FSTL5: variants seen among roughly 807,000 people sequenced by gnomAD.
FSTL5 encodes the protein follistatin-related protein 5.
FSTL5 carries 62 observed loss-of-function variants against 89.1 expected under a neutral mutation model. The ratio of observed to expected loss-of-function variants is 0.70; its 90% CI spans 0.57 to 0.86. FSTL5 has a LOEUF of 0.86. FSTL5 is among the 40% of genes least tolerant of loss of function. FSTL5 has a pLI of 0.00. For missense variants in FSTL5, 1,057 were observed against 1,001.6 expected (o/e 1.06, Z -0.75); for synonymous variants, 383 against 346.2 (o/e 1.11, Z -1.18).
rs537023665 is a variant in FSTL5, at chr4:161,487,620, A to T, written c.1459-6451T>A. ...AAAACAGAATGAGCAAAAATCAGTG[A>T]TTTTTTTTTCTCCCACAGAGTTTAG... On this transcript the variant is annotated intron_variant, in intron 12 of 15. Coordinates refer to ENST00000306100, the MANE Select transcript of FSTL5 (RefSeq NM_020116.5). Among the ~76,000 whole-genome samples the T allele has an allele frequency of 2.3e-3, 346 of 151,506 alleles. 1 individual carries two copies. The highest frequency in any genetic ancestry group is 3.7e-3 in the Admixed American group (56 of 15,198).
chr4:161,460,382 T>TC lies in FSTL5; in HGVS notation c.1609-1064dup, dbSNP rs1553988471. Among the ~76,000 whole-genome samples the TC allele has an allele frequency of 5.1e-5, 3 of 59,338 alleles. 1 individual carries two copies. Among genetic ancestry groups the TC allele is most frequent in the African/African-American group, 1.5e-4 (3 of 19,686 alleles). The allele number at this position is 59,338 out of a possible 152,430, so 38.9% of individuals were successfully genotyped here. ...TAGGTGTATCTCCTAATGCTATCCCTCCCCCCTCCCCCCACCTCACAACAG... is the reference window on the plus strand; with the variant it reads ...TAGGTGTATCTCCTAATGCTATCCCTCCCCCCCTCCCCCCACCTCACAACAG... On this transcript the variant is annotated intron_variant, in intron 13 of 15. Coordinates refer to ENST00000306100, the MANE Select transcript of FSTL5 (RefSeq NM_020116.5).
chr4:161,609,358 C>T (rs1015427100), intron 7 of FSTL5, among the ~76,000 whole-genome samples: 1 of 151,984 alleles, frequency 6.6e-6, no homozygotes, highest in Non-Finnish European at 1.5e-5. Flanking sequence ...TAAGTTTTGC[C>T]ATTTAGATTT....
intron 4 of FSTL5, among the ~76,000 whole-genome samples, chr4:161,824,045 G>T (rs1010720046): frequency 6.6e-6 from 1 of 152,182 alleles, no homozygotes; most frequent in Non-Finnish European, 1.5e-5. Context: ...TCTTTGTTTT[G>T]TTGCATTAGC....
intron 6 of FSTL5, among the ~76,000 whole-genome samples, chr4:161,695,842 A>G (rs1177904628): frequency 1.3e-5 from 2 of 151,778 alleles, no homozygotes; most frequent in South Asian, 2.1e-4. Context: ...TGAGTTCCTT[A>G]TAGATTCTGA....
At chr4:161,913,245 G>A (rs986916875) in intron 4 of FSTL5, among the ~76,000 whole-genome samples, 10 of 152,118 alleles carry the variant, frequency 6.6e-5, no homozygotes, top group African/African-American at 2.4e-4. Flanking sequence ...TGGGGAAAAT[G>A]TCTCCAGGCC....
At chr4:161,458,078 G>A (rs949960964) in intron 14 of FSTL5, among the ~76,000 whole-genome samples, 3 of 152,066 alleles carry the variant, frequency 2.0e-5, no homozygotes, top group East Asian at 1.9e-4. Context: ...GGGACACAAG[G>A]CACCCAGCTG....
chr4:161,800,079 C>A (rs1437039334), intron 4 of FSTL5, among the ~76,000 whole-genome samples: 1 of 151,572 alleles, frequency 6.6e-6, no homozygotes, highest in Non-Finnish European at 1.5e-5. Flanking sequence ...TATACATTTT[C>A]TTTTTAACAC....
At chr4:161,873,208 C>A (rs534086875) in intron 4 of FSTL5, among the ~76,000 whole-genome samples, 1 of 152,020 alleles carries the variant, frequency 6.6e-6, no homozygotes. Context: ...TCAGGTGGGG[C>A]CCTAGACCCT....
At chr4:162,059,097 C>A (rs747403210) in intron 2 of FSTL5, among the ~76,000 whole-genome samples, 4 of 152,092 alleles carry the variant, frequency 2.6e-5, no homozygotes, top group Non-Finnish European at 4.4e-5. Context: ...ACTTAAAGGG[C>A]CATAGGCATA....
At chr4:161,732,697 G>GTT (rs946352038) in intron 6 of FSTL5, among the ~76,000 whole-genome samples, 1 of 151,838 alleles carries the variant, frequency 6.6e-6, no homozygotes, top group African/African-American at 2.4e-5. Flanking sequence ...ATTAAAGTGT[G>GTT]TTTGTTTATT....
intron 3 of FSTL5, among the ~76,000 whole-genome samples, chr4:162,020,252 A>G (rs1737033554): frequency 1.3e-5 from 2 of 152,136 alleles, no homozygotes; most frequent in East Asian, 3.9e-4. Context: ...TATGCTATGG[A>G]CAAAATTTAA....
At chr4:162,136,789 A>T (rs1199189429) in intron 1 of FSTL5, among the ~76,000 whole-genome samples, 1 of 152,084 alleles carries the variant, frequency 6.6e-6, no homozygotes, top group Non-Finnish European at 1.5e-5. Context: ...AGATGGTTAA[A>T]TAAGGTTTGG....
At chr4:161,879,683 T>C (rs1468698644) in intron 4 of FSTL5, among the ~76,000 whole-genome samples, 1 of 152,172 alleles carries the variant, frequency 6.6e-6, no homozygotes, top group Non-Finnish European at 1.5e-5. Flanking sequence ...TCTTGAACTT[T>C]ATTTTCCTGT....
Position 161,587,575 on chromosome 4 carries a change from C to A in FSTL5, c.895G>T (p.Asp299Tyr). The A allele has an allele frequency of 6.3e-7, 1 of 1,584,482 alleles. No individual in the cohort carries two copies. Among genetic ancestry groups the A allele is most frequent in the South Asian group, 1.2e-5 (1 of 85,678 alleles). The change falls in exon 8 of 16, where the codon GAC becomes TAC. Residue 299 changes from aspartate (D) to tyrosine (Y), a missense_variant and splice_region_variant. This residue lies in a region of FSTL5 where 980 missense variants were observed against 903.2 expected (regional missense o/e 1.08). Transcript: ENST00000306100. Reference protein sequence around the residue: ...LNNLDLEDINDFGDDGSLYIT... With the variant: ...LNNLDLEDINYFGDDGSLYIT... ...TACAAGGACCCATCATCTCCAAAGT[C>A]CTATTAAAAATAAAATAAAACAAGG...
chr4:161,462,361 G>T (rs765281780), intron 13 of FSTL5, among the ~76,000 whole-genome samples: 1 of 152,008 alleles, frequency 6.6e-6, no homozygotes, highest in Non-Finnish European at 1.5e-5. Context: ...TTCCTCTATT[G>T]GAGGTTAACA....
At chr4:161,793,367 C>T (rs931971310) in intron 4 of FSTL5, among the ~76,000 whole-genome samples, 1 of 152,202 alleles carries the variant, frequency 6.6e-6, no homozygotes, top group Non-Finnish European at 1.5e-5. Flanking sequence ...CGAAGTAACA[C>T]TCTAATGATC....
intron 4 of FSTL5, among the ~76,000 whole-genome samples, chr4:161,904,591 A>T (rs1233340974): frequency 6.6e-6 from 1 of 151,850 alleles, no homozygotes; most frequent in Non-Finnish European, 1.5e-5. Context: ...ATTCAGCAGG[A>T]AGTCAGATTA....
intron 2 of FSTL5, among the ~76,000 whole-genome samples, chr4:162,093,464 C>A (rs1432363159): frequency 6.6e-6 from 1 of 152,006 alleles, no homozygotes; most frequent in Non-Finnish European, 1.5e-5. Flanking sequence ...ATCATTTTAC[C>A]AATTACCAGA....
At position 161,839,290 on chromosome 4, in the gene FSTL5, G is replaced by A. The variant is rs994887422; in HGVS notation, c.410-63216C>T. ...CTATTCTGTTACGGGATGAATGAAAGAGAGAAAGAGACCACAACTTAATAA... is the reference window on the plus strand; with the variant it reads ...CTATTCTGTTACGGGATGAATGAAAAAGAGAAAGAGACCACAACTTAATAA... On this transcript the variant is annotated intron_variant, in intron 4 of 15. Transcript: ENST00000306100. 3.3e-5 allele frequency among the ~76,000 whole-genome samples: 5 copies of A among 152,004 alleles called. No individual in the cohort carries two copies. In the East Asian group the frequency reaches 9.6e-4, roughly 29 times the overall value.
Sources: allele counts gnomAD v4.1 joint callset (sites outside exome capture counted in the v4.1 genomes callset), GRCh38; gene constraint gnomAD v4.1.1; regional missense constraint gnomAD v4.1.1; transcripts MANE v1.5; gene names NCBI Gene and HGNC (gene_info 2026-07-23, HGNC 2026-07-21).